NRDC: variants seen among roughly 807,000 people sequenced by gnomAD.
NRDC encodes nardilysin.
A neutral mutation model predicts 147.1 loss-of-function variants in NRDC; 54 were observed. The ratio of observed to expected loss-of-function variants is 0.37; its 90% CI spans 0.29 to 0.46. The LOEUF is 0.46. Among genes scored for constraint, NRDC ranks in the 20% least tolerant of loss-of-function variants. The probability of loss-of-function intolerance (pLI) is 1.00; values close to 1 mark genes in which losing one functional copy is unlikely to be tolerated. For synonymous variants in NRDC, 440 were observed against 482.1 expected, an observed-to-expected ratio of 0.91 and a Z score of 1.14; for missense variants, 1,082 against 1,370.6, an observed-to-expected ratio of 0.79 and a Z score of 3.33.
At chr1:51,855,438 T>C (rs1054689634) in intron 1 of NRDC, among the ~76,000 whole-genome samples, 20 of 151,870 alleles carry the variant, frequency 1.3e-4, no homozygotes, top group African/African-American at 4.8e-4. Flanking sequence ...GGTATAATAT[T>C]TGGGTGAAGA....
At chr1:51,834,901 CAT>C (rs1460230092) in intron 3 of NRDC, among the ~76,000 whole-genome samples, 1 of 152,052 alleles carries the variant, frequency 6.6e-6, no homozygotes, top group Non-Finnish European at 1.5e-5. Context: ...TAAGCACAAA[CAT>C]ATGCAGATTA....
chr1:51,822,945 A>G (rs767836922), intron 7 of NRDC, among the ~76,000 whole-genome samples: 6 of 152,220 alleles, frequency 3.9e-5, no homozygotes, highest in Non-Finnish European at 5.9e-5. Context: ...CATTAGGGTG[A>G]GAGGATTAGC....
intron 21 of NRDC, 95 bp downstream of exon 21, chr1:51,800,461 G>A: frequency 7.5e-7 from 1 of 1,335,884 alleles, no homozygotes. Context: ...ATGAAAATTA[G>A]CACTGCAACT....
intron 8 of NRDC, among the ~76,000 whole-genome samples, chr1:51,820,108 G>A (rs1213631967): frequency 6.6e-6 from 1 of 152,128 alleles, no homozygotes; most frequent in Non-Finnish European, 1.5e-5. Flanking sequence ...GATAGAGAAT[G>A]AATTTAAAGG....
intron 1 of NRDC, among the ~76,000 whole-genome samples, chr1:51,857,081 A>G (rs1015090968): frequency 6.6e-6 from 1 of 152,156 alleles, no homozygotes; most frequent in Non-Finnish European, 1.5e-5. Flanking sequence ...GAAAACCAAT[A>G]TATATAACAT....
chr1:51,840,260 C>T lies in NRDC; in HGVS notation c.596G>A (p.Arg199Lys). 1 of 1,605,708 alleles carries T rather than the reference C, an allele frequency of 6.2e-7. No homozygotes were observed. Among genetic ancestry groups the T allele is most frequent in the Non-Finnish European group, 8.5e-7 (1 of 1,176,664 alleles). Residue 199 changes from arginine (R) to lysine (K), a missense_variant, in exon 2 of 31, where the codon AGA (arginine) becomes AAA (lysine). This residue lies in a region of NRDC where 260 missense variants were observed against 253.2 expected (regional missense o/e 1.03). Coordinates refer to ENST00000352171, the MANE Select transcript of NRDC (RefSeq NM_001101662.2). ...EDNELEELEE[R>K]AEARKKTTEK... ...AGTAGTTTTTTTTCTAGCTTCTGCT[C>T]TCTCTTCTAATTCTTCCAATTCATT...
intron 1 of NRDC, among the ~76,000 whole-genome samples, chr1:51,863,420 CT>C: frequency 6.6e-6 from 1 of 152,054 alleles, no homozygotes; most frequent in Middle Eastern, 3.4e-3. Flanking sequence ...AAAAAATTAG[CT>C]TTTGGTGCAG....
At chr1:51,814,840 A>G (rs753786487) in intron 11 of NRDC, 27 bp from the exon 12 acceptor site, 1 of 1,548,326 alleles carries the variant, frequency 6.5e-7, no homozygotes, top group Admixed American at 2.1e-5. Flanking sequence ...AATTAACCCA[A>G]TCAATGTTCC....
chr1:51,800,753 C>T, intron 20 of NRDC, 70 bp from the exon 21 acceptor site: 1 of 1,522,106 alleles, frequency 6.6e-7, no homozygotes, highest in Non-Finnish European at 8.9e-7. Flanking sequence ...GGAAATGTTT[C>T]TCTTTGGTTT....
intron 22 of NRDC, 165 bp from the exon 23 acceptor site, chr1:51,795,019 AGATT>A: frequency 6.7e-7 from 1 of 1,486,706 alleles, no homozygotes; most frequent in Non-Finnish European, 9.0e-7. Flanking sequence ...GACTGATTCA[AGATT>A]GATTGTGTTT....
intron 1 of NRDC, among the ~76,000 whole-genome samples, chr1:51,863,013 G>GGAAAA (rs1553219028): frequency 6.2e-4 from 20 of 32,056 alleles, no homozygotes; most frequent in Non-Finnish European, 8.5e-4. Context: ...CTGTGTGGAG[G>GGAAAA]AAAAAAAAAA....
chr1:51,812,267 A>C (rs990287386), intron 14 of NRDC, among the ~76,000 whole-genome samples, 169 bp from the exon 15 acceptor site: 1 of 152,236 alleles, frequency 6.6e-6, no homozygotes, highest in East Asian at 1.9e-4. Flanking sequence ...AGTAGGCTGG[A>C]CATAGTGGCT....
intron 1 of NRDC, among the ~76,000 whole-genome samples, chr1:51,846,958 T>G (rs958927215): frequency 3.3e-5 from 5 of 152,008 alleles, no homozygotes; most frequent in Non-Finnish European, 1.5e-5. Flanking sequence ...TGCTGATTGG[T>G]GCATTTACAA....
intron 28 of NRDC, 85 bp from the exon 29 acceptor site, chr1:51,790,734 G>C: frequency 9.5e-7 from 1 of 1,052,808 alleles, no homozygotes; most frequent in Non-Finnish European, 1.5e-6. Flanking sequence ...AGCCCGGCTT[G>C]TGATGGACAT....
At chr1:51,876,680 G>C (rs566145402) in intron 1 of NRDC, among the ~76,000 whole-genome samples, 11 of 146,926 alleles carry the variant, frequency 7.5e-5, no homozygotes, top group African/African-American at 2.7e-4. Flanking sequence ...TCTTGACTCT[G>C]GCAGCCTGGA....
intron 2 of NRDC, among the ~76,000 whole-genome samples, chr1:51,838,430 G>C (rs1012594339): frequency 2.6e-5 from 4 of 152,066 alleles, no homozygotes; most frequent in African/African-American, 9.7e-5. Flanking sequence ...AATGCCTGTC[G>C]AGACAATTTT....
intron 4 of NRDC, 96 bp from the exon 5 acceptor site, chr1:51,827,965 A>G (rs1338855780): frequency 1.1e-6 from 1 of 899,472 alleles, no homozygotes; most frequent in African/African-American, 1.7e-5. Context: ...TTGGAGATTT[A>G]ATTCACAATC....
At chr1:51,791,910 G>T in intron 26 of NRDC, 136 bp downstream of exon 26, 1 of 917,806 alleles carries the variant, frequency 1.1e-6, no homozygotes, top group Non-Finnish European at 1.7e-6. Flanking sequence ...AATTCCAAAA[G>T]TTTGGATGAC....
intron 2 of NRDC, among the ~76,000 whole-genome samples, chr1:51,839,205 G>A (rs1378211322): frequency 6.8e-6 from 1 of 147,998 alleles, no homozygotes; most frequent in Non-Finnish European, 1.5e-5. Context: ...TGTTGGCCAG[G>A]GTGGAGTGCA....
Sources: gnomAD v4.1 joint callset for allele counts (sites outside exome capture counted in the v4.1 genomes callset) on GRCh38, gnomAD v4.1.1 for gene constraint, gnomAD v4.1.1 regional missense constraint, MANE v1.5 for transcripts, NCBI Gene and HGNC (gene_info 2026-07-23, HGNC 2026-07-21) for gene names.